PTH1R: variants seen among roughly 807,000 people sequenced by gnomAD.
PTH1R encodes the protein parathyroid hormone/parathyroid hormone-related peptide receptor.
PTH1R carries 32 observed loss-of-function variants against 70.7 expected under a neutral mutation model. The observed-to-expected ratio is 0.45, with a 90% CI of 0.34 to 0.61. PTH1R has a LOEUF of 0.61. PTH1R is among the 20% of genes least tolerant of loss of function. PTH1R has a pLI of 0.01. For missense variants in PTH1R, 626 were observed against 792.5 expected (o/e 0.79, Z 2.52); for synonymous variants, 329 against 324.8 (o/e 1.01, Z -0.14).
intron 10 of PTH1R, 152 bp downstream of exon 10, chr3:46,899,608 C>T: frequency 9.4e-7 from 1 of 1,069,508 alleles, no homozygotes; most frequent in Non-Finnish European, 1.3e-6. Context: ...GTGATCCTGA[C>T]CCTATTCCAG....
intron 1 of PTH1R, among the ~76,000 whole-genome samples, 156 bp downstream of exon 1, chr3:46,877,999 C>A (rs563291508): frequency 5.3e-5 from 8 of 152,336 alleles, no homozygotes; most frequent in Non-Finnish European, 8.8e-5. Flanking sequence ...GGTGTTATGA[C>A]AGCAGGGGGC....
intron 3 of PTH1R, among the ~76,000 whole-genome samples, chr3:46,886,449 C>G (rs1290731596): frequency 3.9e-5 from 6 of 152,134 alleles, no homozygotes; most frequent in African/African-American, 1.2e-4. Flanking sequence ...GCTCTGCCTC[C>G]CGGGTTCACG....
intron 1 of PTH1R, among the ~76,000 whole-genome samples, chr3:46,878,577 T>C (rs2030371856): frequency 6.6e-6 from 1 of 152,156 alleles, no homozygotes; most frequent in Non-Finnish European, 1.5e-5. Context: ...CAGAAATAGA[T>C]GTGAGCCATT....
chr3:46,900,136 T>C (rs10049237), intron 10 of PTH1R, among the ~76,000 whole-genome samples: 123,569 of 152,180 alleles, frequency 0.81, 50,890 homozygotes, highest in African/African-American at 0.95. Context: ...GAGCCCTCTC[T>C]GCACTCAGCA....
Position 46,893,960 on chromosome 3 carries a change from T to C in PTH1R, c.129T>C (p.Arg43=), listed in dbSNP as rs771352880. 3.7e-6 allele frequency: 6 copies of C among 1,614,118 alleles called. No homozygotes were observed. The South Asian group carries it at 6.6e-5, about 18-fold the overall frequency. ...TKEEQIFLLH[R]AQAQCEKRLK... ...AGGAACAGATCTTCCTGCTGCACCG[T>C]GCTCAGGCCCAGTGCGAAAAACGGC... The change falls in exon 4 of 16, where the codon CGT becomes CGC. Residue 43 remains arginine (R), a synonymous_variant. Transcript: ENST00000449590. The surrounding 1 kb of genome is among the most constrained non-coding windows in gnomAD (Gnocchi z 5.2).
chr3:46,897,011 C>T (rs569030537), intron 5 of PTH1R, among the ~76,000 whole-genome samples: 54 of 152,306 alleles, frequency 3.5e-4, no homozygotes, highest in African/African-American at 1.3e-3. Context: ...GGGACACCTG[C>T]GTGAGGTCAG....
chr3:46,882,275 TGC>T lies in PTH1R; in HGVS notation c.-49+1163_-49+1164del, dbSNP rs2030641750. 6.7e-6 allele frequency: 1 copy of T among 149,656 alleles called. No individual in the cohort carries two copies. Among genetic ancestry groups the T allele is most frequent in the African/African-American group, 2.5e-5 (1 of 40,472 alleles). The allele number at this position is 149,656 out of a possible 1,614,324, so 9.3% of individuals were successfully genotyped here. The stretch of plus-strand genomic sequence containing the variant: ...GAGCGGCAGACGCCGAGGCGAGGGA[TGC>T]GCGCGGCGGGCGGTGGCTCCGAGCG... On this transcript the variant is annotated intron_variant, in intron 2 of 15. Transcript: ENST00000449590. This position sits in a 1 kb window ranked among gnomAD's most constrained non-coding sequence, Gnocchi z 4.3.
In PTH1R at chr3:46,902,761, G is replaced by A. The variant is rs199614910; in HGVS notation, c.1366G>A (p.Ala456Thr). The A allele has an allele frequency of 3.3e-5, 54 of 1,613,852 alleles. No individual in the cohort carries two copies. The highest frequency in any genetic ancestry group is 1.6e-4 in the Middle Eastern group (1 of 6,062). Residue 456 changes from alanine to threonine, a missense_variant, in exon 15 of 16, where the codon GCA becomes ACA. Ala to Thr is a moderately conservative substitution (Grantham distance 58, BLOSUM62 0). Around this residue, in one of 3 missense-constraint regions of PTH1R, gnomAD observed 495 missense variants for 638.7 expected, o/e 0.77. Coordinates refer to ENST00000449590, the MANE Select transcript of PTH1R (RefSeq NM_000316.3). The surrounding 1 kb of genome is among the most constrained non-coding windows in gnomAD (Gnocchi z 5.4). Reference sequence around the variant, plus strand: ...CCCCTCTTCACAGGGATTTTTTGTCGCAATCATATACTGTTTCTGCAATGG... The same window carrying A: ...CCCCTCTTCACAGGGATTTTTTGTCACAATCATATACTGTTTCTGCAATGG... ...LFNSFQGFFV[A>T]IIYCFCNGEV...
chr3:46,901,709 G>A lies in PTH1R; in HGVS notation c.1117-57G>A. On this transcript the variant is annotated intron_variant, in intron 12 of 15. Transcript: ENST00000449590. This position sits in a 1 kb window ranked among gnomAD's most constrained non-coding sequence, Gnocchi z 7.3. Reference sequence around the variant, plus strand: ...CAGAGCCTATGGCCGTGGCTGCCAGGCCTTGCCCCGCCCCACTAGGGTGCA... The same window carrying A: ...CAGAGCCTATGGCCGTGGCTGCCAGACCTTGCCCCGCCCCACTAGGGTGCA... 1 of 1,551,454 alleles carries A rather than the reference G, an allele frequency of 6.4e-7. No individual in the cohort carries two copies. The highest frequency in any genetic ancestry group is 8.9e-7 in the Non-Finnish European group (1 of 1,123,548).
Position 46,898,712 on chromosome 3 carries a change from T to G in PTH1R, c.689T>G (p.Phe230Cys). The change falls in exon 9 of 16, where the codon TTC (phenylalanine) becomes TGC (cysteine). Residue 230 changes from phenylalanine (F) to cysteine (C), a missense_variant. By Grantham distance (205) the Phe-to-Cys change is radical. This residue lies in a region of PTH1R where 495 missense variants were observed against 638.7 expected (regional missense o/e 0.77). Transcript: ENST00000449590. ...NYIHMHLFLS[F>C]MLRAVSIFVK... is the part of the protein sequence containing the mutation. ...ATCCACATGCACCTGTTCCTGTCCT[T>G]CATGCTGCGCGCCGTGAGCATCTTC... is the stretch of plus-strand genomic sequence containing the variant. 1.9e-6 allele frequency: 3 copies of G among 1,611,928 alleles called. No homozygotes were observed. The South Asian group carries it at 3.3e-5, about 18-fold the overall frequency.
Position 46,891,863 on chromosome 3 carries a change from G to T in PTH1R, c.76-2044G>T, listed in dbSNP as rs1353672298. Among the ~76,000 whole-genome samples, 2 of 152,090 alleles carry T rather than the reference G, an allele frequency of 1.3e-5. No individual in the cohort carries two copies. The highest frequency in any genetic ancestry group is 4.8e-5 in the African/African-American group (2 of 41,388). On this transcript the variant is annotated intron_variant, in intron 3 of 15. Coordinates refer to ENST00000449590, the MANE Select transcript of PTH1R (RefSeq NM_000316.3). The surrounding 1 kb of genome is among the most constrained non-coding windows in gnomAD (Gnocchi z 4.3). ...GGAGGGACTGGTGATGCTGGTGTTG[G>T]TGTTAGTGACAGTAATGATGGTTAT...
Position 46,901,042 on chromosome 3 carries a change from G to A in PTH1R, c.1006G>A (p.Val336Met), listed in dbSNP as rs1292598991. 5 of 1,584,192 alleles carry A rather than the reference G, an allele frequency of 3.2e-6. No homozygotes were observed. The Admixed American group carries it at 5.4e-5, about 17-fold the overall frequency. ...GCCCACAGGTCTGCCCGCTGTCTTC[G>A]TGGCTGTGTGGGTCAGTGTCAGAGC... ...VFGWGLPAVFVAVWVSVRATL... is the reference protein window; with the variant it reads ...VFGWGLPAVFMAVWVSVRATL... Residue 336 changes from valine to methionine, a missense_variant, in exon 11 of 16, where the codon GTG becomes ATG. This residue lies in a region of PTH1R where 495 missense variants were observed against 638.7 expected (regional missense o/e 0.77). Coordinates refer to ENST00000449590, the MANE Select transcript of PTH1R (RefSeq NM_000316.3). The surrounding 1 kb of genome is among the most constrained non-coding windows in gnomAD (Gnocchi z 7.3).
intron 4 of PTH1R, among the ~76,000 whole-genome samples, chr3:46,894,635 T>C (rs942755024): frequency 1.3e-5 from 2 of 152,030 alleles, no homozygotes; most frequent in Non-Finnish European, 2.9e-5. Context: ...AGCCTCTCGC[T>C]TCCTACTGTA....
rs374012493 is a variant in PTH1R at position 46,900,047 on chromosome 3, CATT to C, written c.988+595_988+597del. Among the ~76,000 whole-genome samples, 15 of 152,364 alleles carry C rather than the reference CATT, an allele frequency of 9.8e-5. No homozygotes were observed. The East Asian group carries it at 1.9e-3, about 20-fold the overall frequency. ...TGGGATCCAGTTACCGATAATTGTCCATTATTGTTGGCAGCTGCAGAGCTTGGC... is the reference window on the plus strand; with the variant it reads ...TGGGATCCAGTTACCGATAATTGTCCATTGTTGGCAGCTGCAGAGCTTGGC... On this transcript the variant is annotated intron_variant, in intron 10 of 15. Coordinates refer to ENST00000449590, the MANE Select transcript of PTH1R (RefSeq NM_000316.3).
chr3:46,895,127 A>G (rs2031675297), intron 4 of PTH1R, among the ~76,000 whole-genome samples: 1 of 151,170 alleles, frequency 6.6e-6, no homozygotes, highest in South Asian at 2.1e-4. Context: ...CTCCAATGAG[A>G]AGAGAGGCCA....
Position 46,892,737 on chromosome 3 carries a change from C to G in PTH1R, c.76-1170C>G. On this transcript the variant is annotated intron_variant, in intron 3 of 15. Coordinates refer to ENST00000449590, the MANE Select transcript of PTH1R (RefSeq NM_000316.3). This position sits in a 1 kb window ranked among gnomAD's most constrained non-coding sequence, Gnocchi z 5.2. ...CCCGCCCTTCACAGCCATGCTCGGACTGCAGGGCCCCGGCCCCGCCTTGGC... is the reference window on the plus strand; with the variant it reads ...CCCGCCCTTCACAGCCATGCTCGGAGTGCAGGGCCCCGGCCCCGCCTTGGC... The G allele has an allele frequency of 1.0e-6, 1 of 985,818 alleles. No individual in the cohort carries two copies. The highest frequency in any genetic ancestry group is 1.2e-6 in the Non-Finnish European group (1 of 830,120). 61.1% of individuals were successfully genotyped at this position (985,818 alleles called of 1,614,324 possible). A position where few individuals can be genotyped will look rare whatever the true frequency, so the allele number is the denominator to read the frequency against.
intron 3 of PTH1R, among the ~76,000 whole-genome samples, chr3:46,890,904 C>T (rs1315377354): frequency 1.3e-5 from 2 of 152,132 alleles, no homozygotes; most frequent in African/African-American, 2.4e-5. Flanking sequence ...GTGGGATTCA[C>T]ATTGTGGGGC....
In PTH1R at chr3:46,891,544, C is replaced by T. The variant is rs1400036915; in HGVS notation, c.76-2363C>T. 6.6e-6 allele frequency among the ~76,000 whole-genome samples: 1 copy of T among 152,202 alleles called. No individual in the cohort carries two copies. The highest frequency in any genetic ancestry group is 2.4e-5 in the African/African-American group (1 of 41,442). On this transcript the variant is annotated intron_variant, in intron 3 of 15. Transcript: ENST00000449590. This position sits in a 1 kb window ranked among gnomAD's most constrained non-coding sequence, Gnocchi z 4.3. ...AGCTCTCCATCAGCTGGAGAAAATA[C>T]AGCACAATGGGTTTGTCTTGAGAGG... is the stretch of plus-strand genomic sequence containing the variant.
At chr3:46,889,897 G>C (rs13093914) in intron 3 of PTH1R, among the ~76,000 whole-genome samples, 5,366 of 152,248 alleles carry the variant, frequency 0.035, 146 homozygotes, top group African/African-American at 0.072. Flanking sequence ...CTGGCGCTGA[G>C]CCAAGAAGAC....
Sources: gnomAD v4.1 joint callset for allele counts (sites outside exome capture counted in the v4.1 genomes callset) on GRCh38, gnomAD v4.1.1 for gene constraint, gnomAD v4.1.1 regional missense constraint, Gnocchi (gnomAD v3.1) non-coding constraint, MANE v1.5 for transcripts, NCBI Gene and HGNC (gene_info 2026-07-23, HGNC 2026-07-21) for gene names.